APBB2: variants seen among roughly 807,000 people sequenced by gnomAD.
APBB2 encodes amyloid beta precursor protein binding family B member 2, also known as Fe65-like 1.
In APBB2, 38 loss-of-function variants were observed where a neutral mutation model predicts 82.5. The ratio of observed to expected loss-of-function variants is 0.46; its 90% CI spans 0.36 to 0.60. The LOEUF (loss-of-function observed/expected upper bound fraction) is 0.60, where lower values mean the gene tolerates loss of function less well. Among genes scored for constraint, APBB2 ranks in the 20% least tolerant of loss-of-function variants. APBB2 has a pLI of 0.00. For synonymous variants in APBB2, 341 were observed against 368.2 expected, an observed-to-expected ratio of 0.93 and a Z score of 0.85; for missense variants, 772 against 972.3, an observed-to-expected ratio of 0.79 and a Z score of 2.74.
intron 12 of APBB2, among the ~76,000 whole-genome samples, chr4:40,861,111 G>A (rs1057213420): frequency 1.3e-5 from 2 of 152,162 alleles, no homozygotes; most frequent in East Asian, 3.8e-4. Context: ...AGCATTTTGG[G>A]AGGCCGAGGT....
chr4:41,003,799 G>A (rs933908941), intron 6 of APBB2, among the ~76,000 whole-genome samples: 34 of 152,174 alleles, frequency 2.2e-4, no homozygotes, highest in African/African-American at 7.7e-4. Flanking sequence ...TGCAACCTCC[G>A]TCTCCTGGGG....
chr4:40,881,929 G>A (rs1422630490), intron 12 of APBB2, among the ~76,000 whole-genome samples: 1 of 151,268 alleles, frequency 6.6e-6, no homozygotes, highest in African/African-American at 2.5e-5. Context: ...TTGGCACAAC[G>A]GCTGCAGTGT....
intron 1 of APBB2, among the ~76,000 whole-genome samples, chr4:41,143,879 T>A (rs1370593036): frequency 1.3e-5 from 2 of 152,242 alleles, no homozygotes; most frequent in Non-Finnish European, 2.9e-5. Context: ...AAGGAATCCC[T>A]TAACTATCCT....
Position 40,939,220 on chromosome 4 carries a change from T to C in APBB2, c.1045-4081A>G, listed in dbSNP as rs567125164. Among the ~76,000 whole-genome samples, 225 of 152,292 alleles carry C rather than the reference T, an allele frequency of 1.5e-3. 2 individuals are homozygous for C. In the South Asian group the frequency reaches 0.026, roughly 18 times the overall value. Reference sequence around the variant, plus strand: ...GCATCAGAAAATGAATAAAGACACATTGCCTGCTGGAATGCTGGGGTTCAA... The same window carrying C: ...GCATCAGAAAATGAATAAAGACACACTGCCTGCTGGAATGCTGGGGTTCAA... On this transcript the variant is annotated intron_variant, in intron 7 of 17. Transcript: ENST00000508593.
intron 12 of APBB2, among the ~76,000 whole-genome samples, chr4:40,876,749 T>C (rs1767021283): frequency 6.6e-6 from 1 of 152,256 alleles, no homozygotes; most frequent in African/African-American, 2.4e-5. Context: ...TGTATTTTTT[T>C]CCAAATATTT....
intron 10 of APBB2, among the ~76,000 whole-genome samples, chr4:40,912,165 G>T (rs768477200): frequency 6.6e-6 from 1 of 152,210 alleles, no homozygotes; most frequent in Non-Finnish European, 1.5e-5. Context: ...CCTGTGGAAA[G>T]ACATCTTAAA....
chr4:40,965,169 G>T (rs1414111023), intron 6 of APBB2, among the ~76,000 whole-genome samples: 2 of 150,826 alleles, frequency 1.3e-5, no homozygotes, highest in African/African-American at 4.8e-5. Flanking sequence ...GAAAAACGTG[G>T]CAGCTAGGTA....
intron 12 of APBB2, among the ~76,000 whole-genome samples, chr4:40,863,916 A>AAAAAAAAC (rs1763410034): frequency 6.8e-6 from 1 of 146,532 alleles, no homozygotes; most frequent in Non-Finnish European, 1.5e-5. Flanking sequence ...AAAAAAAAAA[A>AAAAAAAAC]GCAAGCCAGG....
chr4:40,858,454 C>CAAAAAAAA lies in APBB2; in HGVS notation c.1530-27885_1530-27878dup, dbSNP rs34433911. On this transcript the variant is annotated intron_variant, in intron 12 of 17. Coordinates refer to ENST00000508593, the MANE Select transcript of APBB2 (RefSeq NM_004307.2). The stretch of plus-strand genomic sequence containing the variant: ...TGAGTGACAGAGTGAGAGTCCGTCT[C>CAAAAAAAA]AAAAAAAAAAAAAAAAAAAAAAAAG... 2.4e-3 allele frequency among the ~76,000 whole-genome samples: 138 copies of CAAAAAAAA among 57,712 alleles called. 6 individuals carry two copies. Among genetic ancestry groups the CAAAAAAAA allele is most frequent in the African/African-American group, 9.1e-3 (124 of 13,562 alleles). 37.9% of individuals were successfully genotyped at this position (57,712 alleles called of 152,430 possible).
chr4:40,911,554 A>G lies in APBB2; in HGVS notation c.1255-18143T>C, dbSNP rs2154362990. Among the ~76,000 whole-genome samples the G allele has an allele frequency of 2.0e-5, 3 of 152,260 alleles. 1 individual carries two copies. Among genetic ancestry groups the G allele is most frequent in the Admixed American group, 2.0e-4 (3 of 15,298 alleles). On this transcript the variant is annotated intron_variant, in intron 10 of 17. Transcript: ENST00000508593. Reference sequence around the variant, plus strand: ...ACATGTCCAACTCCAGGTGTCTTACACTGTAGGCCACAGGGCCAGTTCTTC... The same window carrying G: ...ACATGTCCAACTCCAGGTGTCTTACGCTGTAGGCCACAGGGCCAGTTCTTC...
intron 1 of APBB2, among the ~76,000 whole-genome samples, chr4:41,198,224 T>TGCTACC: frequency 6.6e-6 from 1 of 152,194 alleles, no homozygotes; most frequent in African/African-American, 2.4e-5. Flanking sequence ...TTGCCCATAA[T>TGCTACC]GCTACCACAA....
At chr4:41,097,355 T>TTCTA (rs760498289) in intron 3 of APBB2, among the ~76,000 whole-genome samples, 2 of 152,306 alleles carry the variant, frequency 1.3e-5, no homozygotes, top group Non-Finnish European at 2.9e-5. Flanking sequence ...ACCATAAAGA[T>TTCTA]TCTAAATGGG....
At chr4:41,101,958 CAA>C (rs547905590) in intron 2 of APBB2, among the ~76,000 whole-genome samples, 9 of 117,076 alleles carry the variant, frequency 7.7e-5, no homozygotes, top group African/African-American at 9.6e-5. Flanking sequence ...GACTCCATCT[CAA>C]AAAAAAAAAA....
chr4:41,126,656 C>A (rs1441494871), intron 2 of APBB2, among the ~76,000 whole-genome samples: 2 of 152,194 alleles, frequency 1.3e-5, no homozygotes, highest in Non-Finnish European at 2.9e-5. Context: ...GTTATTTTCT[C>A]ACATTTCTGG....
rs1364858856 is a variant in APBB2 at position 40,813,115 on chromosome 4, A to G, written c.*2977T>C. ...GCTTTTAAAAAATAAAAGGAACTTT[A>G]AGCATTTTGCCTTTTCTTCTACATA... On this transcript the variant is annotated 3_prime_UTR_variant, in exon 18 of 18. Coordinates refer to ENST00000508593, the MANE Select transcript of APBB2 (RefSeq NM_004307.2). 1 of 152,224 alleles carries G rather than the reference A, an allele frequency of 6.6e-6. No homozygotes were observed. Among genetic ancestry groups the G allele is most frequent in the Non-Finnish European group, 1.5e-5 (1 of 68,038 alleles). The allele number at this position is 152,224 out of a possible 1,614,324, so 9.4% of individuals were successfully genotyped here.
At chr4:40,870,943 T>C (rs1765344168) in intron 12 of APBB2, among the ~76,000 whole-genome samples, 1 of 152,054 alleles carries the variant, frequency 6.6e-6, no homozygotes. Flanking sequence ...TCTGGGGATC[T>C]ACCCGCCTTG....
Position 40,825,967 on chromosome 4 carries a change from T to C in APBB2, c.1736A>G (p.Asp579Gly). The change falls in exon 15 of 18, where the codon GAT becomes GGT. Residue 579 changes from aspartate (D) to glycine (G), a missense_variant. Coordinates refer to ENST00000508593, the MANE Select transcript of APBB2 (RefSeq NM_004307.2). ...CAGCTCAGTCTTTGGTGTTGGAAAA[T>C]CTACTACAGGGAACAAAAGCAACAC... ...NVNLDVPLQV[D>G]FPTPKTELVQ... is the part of the protein sequence containing the mutation. The C allele has an allele frequency of 6.2e-7, 1 of 1,613,716 alleles. No homozygotes were observed. Among genetic ancestry groups the C allele is most frequent in the Non-Finnish European group, 8.5e-7 (1 of 1,179,716 alleles).
chr4:40,911,639 G>C (rs923901213), intron 10 of APBB2, among the ~76,000 whole-genome samples: 2 of 152,160 alleles, frequency 1.3e-5, no homozygotes, highest in African/African-American at 4.8e-5. Context: ...GCCATCATAA[G>C]CTGCTGGGGC....
At chr4:41,175,881 C>A (rs977036188) in intron 1 of APBB2, among the ~76,000 whole-genome samples, 3 of 152,144 alleles carry the variant, frequency 2.0e-5, no homozygotes, top group Non-Finnish European at 2.9e-5. Flanking sequence ...TTTTAAAGTT[C>A]TTACTTTAAA....
Sources: allele counts gnomAD v4.1 joint callset (sites outside exome capture counted in the v4.1 genomes callset), GRCh38; gene constraint gnomAD v4.1.1; transcripts MANE v1.5; gene names NCBI Gene and HGNC (gene_info 2026-07-23, HGNC 2026-07-21).